The following MAPK10 variants were observed in gnomAD, a reference collection of about 807,000 sequenced individuals.
MAPK10 encodes the protein JNK3 alpha protein kinase.
In MAPK10, 25 loss-of-function variants were observed where a neutral mutation model predicts 59.3. That is an observed-to-expected ratio of 0.42 (90% CI 0.31 to 0.59). The LOEUF (loss-of-function observed/expected upper bound fraction) is 0.59, where lower values mean the gene tolerates loss of function less well. Ranked by LOEUF, MAPK10 falls within the 20% of genes least tolerant of loss-of-function variation. MAPK10 has a pLI of 0.15. For missense variants in MAPK10, 351 were observed against 568.9 expected, an observed-to-expected ratio of 0.62 and a Z score of 3.90; for synonymous variants, 190 against 200.5, an observed-to-expected ratio of 0.95 and a Z score of 0.44.
At chr4:86,314,046 T>A (rs935450158) in intron 2 of MAPK10, among the ~76,000 whole-genome samples, 1 of 152,158 alleles carries the variant, frequency 6.6e-6, no homozygotes, top group African/African-American at 2.4e-5. Flanking sequence ...ATGGATGGAC[T>A]TTACAGACAT....
intron 4 of MAPK10, among the ~76,000 whole-genome samples, chr4:86,142,456 T>G (rs2063848105): frequency 6.6e-6 from 1 of 152,174 alleles, no homozygotes; most frequent in Non-Finnish European, 1.5e-5. Context: ...AATGAAGGTT[T>G]TTTTTTCCAG....
At chr4:86,050,635 T>G (rs1414987672) in intron 11 of MAPK10, among the ~76,000 whole-genome samples, 1 of 152,144 alleles carries the variant, frequency 6.6e-6, no homozygotes, top group Non-Finnish European at 1.5e-5. Flanking sequence ...TGCCTGGATT[T>G]GAGCTTAGCC....
intron 1 of MAPK10, among the ~76,000 whole-genome samples, chr4:86,495,148 C>G (rs777178780): frequency 6.6e-6 from 1 of 152,010 alleles, no homozygotes; most frequent in Non-Finnish European, 1.5e-5. Flanking sequence ...AGGCCTAAAG[C>G]GAGTTTGGCT....
chr4:86,429,173 T>C (rs1356790372), intron 1 of MAPK10, among the ~76,000 whole-genome samples: 2 of 152,152 alleles, frequency 1.3e-5, no homozygotes, highest in Non-Finnish European at 2.9e-5. Flanking sequence ...ATTGAACACA[T>C]AATTACTATG....
chr4:86,537,515 C>G (rs575053572), intron 1 of MAPK10, among the ~76,000 whole-genome samples: 4 of 152,278 alleles, frequency 2.6e-5, no homozygotes, highest in Admixed American at 2.6e-4. Context: ...ATGGCTGATT[C>G]AAGAGCTGGA....
intron 1 of MAPK10, among the ~76,000 whole-genome samples, chr4:86,410,117 T>C (rs534077475): frequency 3.9e-5 from 6 of 152,358 alleles, no homozygotes; most frequent in Admixed American, 2.0e-4. Flanking sequence ...TGAAAGGCTG[T>C]TGAATTTTCT....
intron 2 of MAPK10, among the ~76,000 whole-genome samples, chr4:86,231,683 GA>G (rs890482509): frequency 3.3e-5 from 5 of 151,174 alleles, no homozygotes; most frequent in South Asian, 2.1e-4. Context: ...AAAGAAAAAA[GA>G]AAAAAAAGTA....
chr4:86,335,007 T>A (rs1023991171), intron 2 of MAPK10: 8 of 152,132 alleles, frequency 5.3e-5, no homozygotes, highest in Admixed American at 5.2e-4. Flanking sequence ...AAGAGGAATA[T>A]GATTAATGCC....
intron 2 of MAPK10, among the ~76,000 whole-genome samples, chr4:86,261,946 CA>C (rs772218311): frequency 2.6e-5 from 4 of 152,244 alleles, no homozygotes; most frequent in Non-Finnish European, 5.9e-5. Context: ...CCCTGCTGGG[CA>C]ACTAAGGTTC....
intron 9 of MAPK10, among the ~76,000 whole-genome samples, chr4:86,076,349 A>T (rs986994081): frequency 4.6e-5 from 7 of 152,098 alleles, no homozygotes; most frequent in Admixed American, 3.3e-4. Context: ...GAAATCACCC[A>T]TCTTCTGCGT....
At chr4:86,248,979 A>G (rs1421360554) in intron 2 of MAPK10, among the ~76,000 whole-genome samples, 1 of 152,226 alleles carries the variant, frequency 6.6e-6, no homozygotes, top group Non-Finnish European at 1.5e-5. Context: ...ATACTTTTTA[A>G]AAGTATAATT....
At chr4:86,086,122 C>T (rs1236006471) in intron 9 of MAPK10, among the ~76,000 whole-genome samples, 3 of 152,014 alleles carry the variant, frequency 2.0e-5, no homozygotes, top group South Asian at 2.1e-4. Context: ...CCACGGTACA[C>T]GTTTACCTGT....
chr4:86,037,921 G>A (rs1052933015), intron 11 of MAPK10, among the ~76,000 whole-genome samples: 16 of 152,184 alleles, frequency 1.1e-4, no homozygotes, highest in Admixed American at 9.8e-4. Context: ...AGACAAATTT[G>A]TGCCTGCCAC....
At chr4:86,483,874 T>C (rs1032829355) in intron 1 of MAPK10, among the ~76,000 whole-genome samples, 1 of 152,072 alleles carries the variant, frequency 6.6e-6, no homozygotes, top group African/African-American at 2.4e-5. Context: ...GAGGGCTTTA[T>C]AAAAGAAGAG....
At chr4:86,373,035 G>GGTAGTGGTACCAAAACA in intron 1 of MAPK10, among the ~76,000 whole-genome samples, 1 of 152,018 alleles carries the variant, frequency 6.6e-6, no homozygotes, top group African/African-American at 2.4e-5. Flanking sequence ...TAACCAAAAT[G>GGTAGTGGTACCAAAACA]GCATGGTAGT....
chr4:86,566,876 C>A (rs1761096359), intron 1 of MAPK10, among the ~76,000 whole-genome samples: 1 of 152,022 alleles, frequency 6.6e-6, no homozygotes, highest in Non-Finnish European at 1.5e-5. Flanking sequence ...CAAGATCGGT[C>A]TAGGCAACAT....
intron 4 of MAPK10, among the ~76,000 whole-genome samples, chr4:86,121,637 C>T (rs2059267152): frequency 1.3e-5 from 2 of 152,028 alleles, no homozygotes; most frequent in Admixed American, 1.3e-4. Flanking sequence ...TATAAACCAT[C>T]ATATTTTGAT....
intron 1 of MAPK10, among the ~76,000 whole-genome samples, chr4:86,551,732 G>A (rs908966924): frequency 6.6e-6 from 1 of 152,080 alleles, no homozygotes; most frequent in Admixed American, 6.6e-5. Flanking sequence ...AGCCTCTCCA[G>A]TAGCTGGAAT....
At chr4:86,088,440 C>A (rs2052411034) in intron 9 of MAPK10, among the ~76,000 whole-genome samples, 1 of 152,164 alleles carries the variant, frequency 6.6e-6, no homozygotes, top group Non-Finnish European at 1.5e-5. Context: ...TCCACTTCAG[C>A]CTTCCAAAGT....
Sources: allele counts gnomAD v4.1 joint callset (sites outside exome capture counted in the v4.1 genomes callset), GRCh38; gene constraint gnomAD v4.1.1; transcripts MANE v1.5; gene names NCBI Gene and HGNC (gene_info 2026-07-23, HGNC 2026-07-21).